CREBBP: variants seen among roughly 807,000 people sequenced by gnomAD.
The protein encoded by CREBBP is CREB binding lysine acetyltransferase.
A neutral mutation model predicts 265.0 loss-of-function variants in CREBBP; 19 were observed. The observed-to-expected ratio is 0.07, with a 90% confidence interval of 0.05 to 0.11. The LOEUF (loss-of-function observed/expected upper bound fraction) is 0.11, where lower values mean the gene tolerates loss of function less well. Among genes scored for constraint, CREBBP ranks in the 10% least tolerant of loss-of-function variants. The probability of loss-of-function intolerance (pLI) is 1.00; values close to 1 mark genes in which losing one functional copy is unlikely to be tolerated. For missense variants in CREBBP, 2,525 were observed against 3,219.0 expected, an observed-to-expected ratio of 0.78 and a Z score of 5.22; for synonymous variants, 1,457 against 1,223.7, an observed-to-expected ratio of 1.19 and a Z score of -3.98.
chr16:3,837,310 A>G (rs2054473248), intron 2 of CREBBP, among the ~76,000 whole-genome samples: 6 of 152,142 alleles, frequency 3.9e-5, no homozygotes, highest in Admixed American at 3.9e-4. Context: ...CTTTTAACAA[A>G]AAAGTTTAAA....
At chr16:3,810,521 CTT>C in intron 3 of CREBBP, 80 bp downstream of exon 3, 1 of 1,519,870 alleles carries the variant, frequency 6.6e-7, no homozygotes, top group South Asian at 1.1e-5. Flanking sequence ...TAGTTATAGA[CTT>C]TCACTGTGAG....
chr16:3,760,935 G>T (rs563836299), intron 16 of CREBBP, among the ~76,000 whole-genome samples: 1 of 152,236 alleles, frequency 6.6e-6, no homozygotes, highest in East Asian at 1.9e-4. Context: ...ACTGGGCCTG[G>T]TCTGTTTTTT....
intron 2 of CREBBP, among the ~76,000 whole-genome samples, chr16:3,836,161 C>A (rs550510798): frequency 6.6e-6 from 1 of 151,738 alleles, no homozygotes; most frequent in Non-Finnish European, 1.5e-5. Flanking sequence ...AGCAGCTGGG[C>A]GCGGTGGCTC....
At chr16:3,873,785 T>C (rs539941428) in intron 1 of CREBBP, among the ~76,000 whole-genome samples, 4 of 152,178 alleles carry the variant, frequency 2.6e-5, no homozygotes, top group African/African-American at 9.7e-5. Flanking sequence ...TGGGAGCCCA[T>C]GGGTACGGAA....
chr16:3,787,723 G>A (rs778463759), intron 5 of CREBBP, among the ~76,000 whole-genome samples: 1 of 151,954 alleles, frequency 6.6e-6, no homozygotes, highest in East Asian at 1.9e-4. Context: ...GCAGTGGTGC[G>A]ATCTTGGCTC....
At chr16:3,817,260 T>A (rs1366470724) in intron 2 of CREBBP, among the ~76,000 whole-genome samples, 1 of 152,170 alleles carries the variant, frequency 6.6e-6, no homozygotes. Context: ...TACCCAGAGC[T>A]TTCCACTTGC....
chr16:3,739,341 A>G, intron 25 of CREBBP: 1 of 555,852 alleles, frequency 1.8e-6, no homozygotes, highest in East Asian at 3.2e-5. Flanking sequence ...TGCGTTAGGT[A>G]AGAGCGGGTC....
In CREBBP at chr16:3,725,430, G is replaced by A. The variant is rs1315037484; in HGVS notation, c.*2288C>T. 4.3e-6 allele frequency: 1 copy of A among 233,188 alleles called. No homozygotes were observed. The highest frequency in any genetic ancestry group is 8.5e-6 in the Non-Finnish European group (1 of 118,052). The allele number at this position is 233,188 out of a possible 1,614,324, so 14.4% of individuals were successfully genotyped here. ...GCGCCACTTTCTGAGTGTGGGCTTA[G>A]AGCTGCTGCTCTCGGGCTCTAGCCC... On this transcript the variant is annotated 3_prime_UTR_variant, in exon 31 of 31. Transcript: ENST00000262367.
intron 3 of CREBBP, among the ~76,000 whole-genome samples, chr16:3,796,814 GCA>G (rs1166614154): frequency 1.3e-5 from 2 of 152,204 alleles, no homozygotes; most frequent in African/African-American, 2.4e-5. Context: ...GAGGACAAAT[GCA>G]CAGTTTAATG....
At chr16:3,765,762 C>G (rs1055495311) in intron 16 of CREBBP, among the ~76,000 whole-genome samples, 1 of 152,140 alleles carries the variant, frequency 6.6e-6, no homozygotes, top group Non-Finnish European at 1.5e-5. Context: ...ATTCTCCCAC[C>G]TCAACCTCTC....
chr16:3,827,803 A>T (rs868111486), intron 2 of CREBBP, among the ~76,000 whole-genome samples: 21 of 150,478 alleles, frequency 1.4e-4, no homozygotes, highest in African/African-American at 4.7e-4. Flanking sequence ...TGATCTTCCT[A>T]CCTCAGCCTC....
chr16:3,811,847 G>T (rs2053944095), intron 2 of CREBBP, among the ~76,000 whole-genome samples: 1 of 152,126 alleles, frequency 6.6e-6, no homozygotes, highest in Non-Finnish European at 1.5e-5. Context: ...TCACTGTAAA[G>T]ATACAGTATA....
At chr16:3,754,660 C>T (rs1456599820) in intron 19 of CREBBP, among the ~76,000 whole-genome samples, 1 of 152,100 alleles carries the variant, frequency 6.6e-6, no homozygotes, top group African/African-American at 2.4e-5. Context: ...ATAGATAATA[C>T]TTATATTATC....
At chr16:3,832,377 A>C (rs971033952) in intron 2 of CREBBP, among the ~76,000 whole-genome samples, 1 of 152,202 alleles carries the variant, frequency 6.6e-6, no homozygotes, top group Admixed American at 6.5e-5. Flanking sequence ...CTCCAAAAAA[A>C]CAGAAAGTTA....
chr16:3,857,569 A>G (rs1289295159), intron 1 of CREBBP, among the ~76,000 whole-genome samples: 2 of 152,162 alleles, frequency 1.3e-5, no homozygotes, highest in Admixed American at 6.5e-5. Flanking sequence ...GGGTTAAGCA[A>G]GAGCAATCTG....
chr16:3,738,509 T>G, intron 26 of CREBBP, 50 bp downstream of exon 26: 1 of 1,119,158 alleles, frequency 8.9e-7, no homozygotes, highest in Non-Finnish European at 1.4e-6. Context: ...AAACATACAG[T>G]AAAAAATAAA....
At chr16:3,815,530 CA>C (rs1031380875) in intron 2 of CREBBP, among the ~76,000 whole-genome samples, 217 of 51,956 alleles carry the variant, frequency 4.2e-3, no homozygotes, top group Middle Eastern at 0.012. Context: ...GACTCCATCT[CA>C]AAAAAAAAAA....
chr16:3,828,280 T>G (rs189310363), intron 2 of CREBBP, among the ~76,000 whole-genome samples: 3 of 152,144 alleles, frequency 2.0e-5, no homozygotes, highest in African/African-American at 7.2e-5. Flanking sequence ...TGAGTAGAGA[T>G]GAGGTTTCTC....
intron 1 of CREBBP, among the ~76,000 whole-genome samples, chr16:3,853,700 G>C (rs2054901800): frequency 6.6e-6 from 1 of 152,084 alleles, no homozygotes; most frequent in South Asian, 2.1e-4. Context: ...ACTTTGGGAG[G>C]CCAAGGCAGG....
Sources: allele counts gnomAD v4.1 joint callset (sites outside exome capture counted in the v4.1 genomes callset), GRCh38; gene constraint gnomAD v4.1.1; transcripts MANE v1.5; gene names NCBI Gene and HGNC (gene_info 2026-07-23, HGNC 2026-07-21).